CDK6: variants seen among roughly 807,000 people sequenced by gnomAD.
CDK6 encodes the protein cyclin-dependent kinase 6.
CDK6 carries 6 observed loss-of-function variants against 37.1 expected under a neutral mutation model. The observed-to-expected ratio is 0.16, with a 90% confidence interval of 0.09 to 0.32. The LOEUF is 0.32. Ranked by LOEUF, CDK6 falls within the 10% of genes least tolerant of loss-of-function variation. The pLI, the probability that CDK6 is intolerant of heterozygous loss-of-function variation, is 1.00. For synonymous variants in CDK6, 160 were observed against 161.3 expected, an observed-to-expected ratio of 0.99 and a Z score of 0.06; for missense variants, 224 against 418.9, an observed-to-expected ratio of 0.53 and a Z score of 4.06.
intron 2 of CDK6, among the ~76,000 whole-genome samples, chr7:92,782,948 C>T (rs1012268813): frequency 1.3e-5 from 2 of 152,220 alleles, no homozygotes; most frequent in African/African-American, 4.8e-5. Context: ...CTCAAAGTGA[C>T]TGTCCCAGTT....
chr7:92,697,389 G>A (rs1585407651), intron 4 of CDK6, among the ~76,000 whole-genome samples: 1 of 152,192 alleles, frequency 6.6e-6, no homozygotes, highest in South Asian at 2.1e-4. Context: ...TCTTCCGTAC[G>A]CCTGGCACTT....
chr7:92,634,131 T>C (rs1796116938), intron 5 of CDK6, among the ~76,000 whole-genome samples: 1 of 152,190 alleles, frequency 6.6e-6, no homozygotes, highest in Non-Finnish European at 1.5e-5. Context: ...TCACAGATAC[T>C]TCCTATAGTT....
At chr7:92,814,834 G>A (rs1554418020) in intron 2 of CDK6, among the ~76,000 whole-genome samples, 1 of 151,904 alleles carries the variant, frequency 6.6e-6, no homozygotes, top group Non-Finnish European at 1.5e-5. Flanking sequence ...ATATAATCAG[G>A]AGATGTATTA....
In CDK6 at chr7:92,663,200, TAGA is replaced by T. The variant is rs533460634; in HGVS notation, c.647+8223_647+8225del. ...GGTATATGATATGTGATAGAATGGT[TAGA>T]AGAAGACTAAGCAGATAAAATCTGG... On this transcript the variant is annotated intron_variant, in intron 5 of 7. Coordinates refer to ENST00000424848, the MANE Select transcript of CDK6 (RefSeq NM_001145306.2). Among the ~76,000 whole-genome samples, 35 of 152,156 alleles carry T rather than the reference TAGA, an allele frequency of 2.3e-4. 1 individual carries two copies. The highest frequency in any genetic ancestry group is 1.6e-3 in the Admixed American group (24 of 15,276).
At chr7:92,710,097 C>T (rs1299347521) in intron 4 of CDK6, among the ~76,000 whole-genome samples, 1 of 152,198 alleles carries the variant, frequency 6.6e-6, no homozygotes, top group Non-Finnish European at 1.5e-5. Context: ...TATCTCTAGA[C>T]TAATGAAGGG....
At chr7:92,672,168 CACACACACACACACAG>C (rs1562931117) in intron 4 of CDK6, among the ~76,000 whole-genome samples, 40 of 92,752 alleles carry the variant, frequency 4.3e-4, no homozygotes, top group Non-Finnish European at 6.0e-4. Flanking sequence ...TATACACATA[CACACACACACACACAG>C]ACACATACAC....
chr7:92,674,876 G>C (rs1044978084), intron 4 of CDK6, among the ~76,000 whole-genome samples: 2 of 152,160 alleles, frequency 1.3e-5, no homozygotes, highest in Admixed American at 6.5e-5. Context: ...CTGTTGCCCA[G>C]ACTGGAATGC....
At chr7:92,777,296 C>T (rs1012116910) in intron 2 of CDK6, among the ~76,000 whole-genome samples, 1 of 152,088 alleles carries the variant, frequency 6.6e-6, no homozygotes, top group African/African-American at 2.4e-5. Context: ...TGCAATGGCA[C>T]ATCTTGGCTC....
intron 3 of CDK6, among the ~76,000 whole-genome samples, chr7:92,756,746 G>C (rs1370620851): frequency 6.6e-6 from 1 of 152,100 alleles, no homozygotes; most frequent in East Asian, 1.9e-4. Flanking sequence ...CCTGTTAAAG[G>C]GACAGGCAAT....
rs145432816 is a variant in CDK6 at position 92,827,373 on chromosome 7, CA to C, written c.233+5717del. ...AACTACTATAGACAAAGGAGATGGT[CA>C]AAAATGTTTAATAATAATCCTGACT... On this transcript the variant is annotated intron_variant, in intron 2 of 7. Coordinates refer to ENST00000424848, the MANE Select transcript of CDK6 (RefSeq NM_001145306.2). 4.9e-3 allele frequency among the ~76,000 whole-genome samples: 748 copies of C among 152,188 alleles called. 6 individuals are homozygous for C. Among genetic ancestry groups the C allele is most frequent in the African/African-American group, 0.017 (717 of 41,524 alleles).
chr7:92,833,058 C>A lies in CDK6; in HGVS notation c.233+33G>T. The A allele has an allele frequency of 6.8e-7, 1 of 1,478,278 alleles. No individual in the cohort carries two copies. 91.6% of individuals were successfully genotyped at this position (1,478,278 alleles called of 1,614,324 possible). A position where few individuals can be genotyped will look rare whatever the true frequency, so the allele number is the denominator to read the frequency against. ...TCGGCCCTCCCCGCGCGCGCGAGGC[C>A]CCAGATGGCGAGGGCGCAGCTCCCT... On this transcript the variant is annotated intron_variant, in intron 2 of 7. Transcript: ENST00000424848. The surrounding 1 kb of genome is among the most constrained non-coding windows in gnomAD (Gnocchi z 6.1).
In CDK6 at chr7:92,749,817, C is replaced by T. The variant is rs181974635; in HGVS notation, c.370-24024G>A. On this transcript the variant is annotated intron_variant, in intron 3 of 7. Coordinates refer to ENST00000424848, the MANE Select transcript of CDK6 (RefSeq NM_001145306.2). ...AACATACACCCTTATTTGACAAATA[C>T]GCAAGTGATTACCAGGGAAATAGGA... is the stretch of plus-strand genomic sequence containing the variant. Among the ~76,000 whole-genome samples, 51 of 152,224 alleles carry T rather than the reference C, an allele frequency of 3.4e-4. 1 individual carries two copies. The highest frequency in any genetic ancestry group is 3.3e-3 in the Admixed American group (51 of 15,290).
At chr7:92,646,821 A>G (rs1394977154) in intron 5 of CDK6, among the ~76,000 whole-genome samples, 1 of 152,222 alleles carries the variant, frequency 6.6e-6, no homozygotes, top group African/African-American at 2.4e-5. Context: ...AAGTGTAAAC[A>G]TTAGAACTAC....
intron 4 of CDK6, among the ~76,000 whole-genome samples, chr7:92,711,855 A>G (rs1436191352): frequency 4.0e-5 from 6 of 151,630 alleles, no homozygotes; most frequent in Non-Finnish European, 8.8e-5. Context: ...TGCGTTAACC[A>G]CCACACTGGT....
At chr7:92,674,379 A>C (rs920811830) in intron 4 of CDK6, among the ~76,000 whole-genome samples, 5 of 152,138 alleles carry the variant, frequency 3.3e-5, no homozygotes, top group African/African-American at 1.2e-4. Flanking sequence ...GCCCTGCCTT[A>C]ATCTATGTTT....
chr7:92,810,454 C>T (rs994672539), intron 2 of CDK6, among the ~76,000 whole-genome samples: 1 of 152,204 alleles, frequency 6.6e-6, no homozygotes, highest in African/African-American at 2.4e-5. Flanking sequence ...TTTACGTTGT[C>T]TGTTTCTTTA....
intron 2 of CDK6, among the ~76,000 whole-genome samples, chr7:92,810,313 C>A (rs922121643): frequency 6.6e-6 from 1 of 152,150 alleles, no homozygotes; most frequent in Non-Finnish European, 1.5e-5. Context: ...ATCCAAATGA[C>A]CTTTGCATGA....
chr7:92,633,624 C>CT (rs540735364), intron 5 of CDK6, among the ~76,000 whole-genome samples: 239 of 133,546 alleles, frequency 1.8e-3, no homozygotes, highest in Middle Eastern at 7.6e-3. Flanking sequence ...CAAAGCTAGC[C>CT]TTTTTTTTTT....
chr7:92,754,093 C>T (rs952904478), intron 3 of CDK6, among the ~76,000 whole-genome samples: 3 of 152,146 alleles, frequency 2.0e-5, no homozygotes, highest in African/African-American at 7.2e-5. Flanking sequence ...ACTTCTTCCA[C>T]ACAGGAAGAG....
Sources: allele counts gnomAD v4.1 joint callset (sites outside exome capture counted in the v4.1 genomes callset), GRCh38; gene constraint gnomAD v4.1.1; non-coding constraint Gnocchi (gnomAD v3.1); transcripts MANE v1.5; gene names NCBI Gene and HGNC (gene_info 2026-07-23, HGNC 2026-07-21).